Variants in EBF1 observed in about 807,000 individuals in gnomAD.
EBF1 encodes transcription factor COE1.
A neutral mutation model predicts 68.4 loss-of-function variants in EBF1; 10 were observed. That is an observed-to-expected ratio of 0.15 (90% CI 0.09 to 0.25). The LOEUF (loss-of-function observed/expected upper bound fraction) is 0.25. Ranked by LOEUF, EBF1 falls within the 10% of genes least tolerant of loss-of-function variation. EBF1 has a pLI of 1.00. For synonymous variants in EBF1, 298 were observed against 299.8 expected (o/e 0.99, Z 0.06); for missense variants, 509 against 794.4 (o/e 0.64, Z 4.32).
intron 7 of EBF1, among the ~76,000 whole-genome samples, chr5:158,832,420 G>A (rs1345363132): frequency 6.6e-6 from 1 of 152,182 alleles, no homozygotes; most frequent in Non-Finnish European, 1.5e-5. Flanking sequence ...ACTTAATCCT[G>A]TATTCTGAAA....
At chr5:158,847,587 T>C (rs1791779461) in intron 6 of EBF1, among the ~76,000 whole-genome samples, 1 of 152,206 alleles carries the variant, frequency 6.6e-6, no homozygotes, top group Non-Finnish European at 1.5e-5. Flanking sequence ...AAGATGTTTA[T>C]CCTCACGGAT....
intron 9 of EBF1, 67 bp from the exon 10 acceptor site, chr5:158,777,606 G>C (rs1775555130): frequency 1.3e-6 from 2 of 1,483,740 alleles, no homozygotes; most frequent in South Asian, 1.4e-5. Flanking sequence ...CTTCCTAATA[G>C]CTCTCCATAA....
At chr5:159,070,536 C>A (rs192526364) in intron 6 of EBF1, among the ~76,000 whole-genome samples, 1 of 152,150 alleles carries the variant, frequency 6.6e-6, no homozygotes, top group Non-Finnish European at 1.5e-5. Context: ...TTGCCCTGCA[C>A]GATTGCACTA....
At chr5:158,722,742 C>G (rs942181360) in intron 11 of EBF1, among the ~76,000 whole-genome samples, 1 of 152,092 alleles carries the variant, frequency 6.6e-6, no homozygotes, top group African/African-American at 2.4e-5. Flanking sequence ...AATTAAAATC[C>G]ACTGCTTCAA....
intron 7 of EBF1, among the ~76,000 whole-genome samples, chr5:158,827,512 C>A (rs1786445703): frequency 6.6e-6 from 1 of 152,162 alleles, no homozygotes; most frequent in Non-Finnish European, 1.5e-5. Context: ...CTCATCAGTT[C>A]AGTCTAGTTT....
intron 6 of EBF1, among the ~76,000 whole-genome samples, chr5:159,064,699 AG>A (rs1776452596): frequency 6.6e-6 from 1 of 152,162 alleles, no homozygotes. Flanking sequence ...AGAACAACTC[AG>A]TGTTTAAAAC....
intron 6 of EBF1, among the ~76,000 whole-genome samples, chr5:158,989,986 G>A (rs1400898585): frequency 6.6e-6 from 1 of 152,134 alleles, no homozygotes; most frequent in East Asian, 1.9e-4. Flanking sequence ...AATGATGAGT[G>A]TTATGAGACA....
intron 6 of EBF1, among the ~76,000 whole-genome samples, chr5:159,064,899 C>CTTTTTTTTTTTTTTTTT (rs57256923): frequency 1.0e-4 from 7 of 67,910 alleles, no homozygotes; most frequent in African/African-American, 1.8e-4. Flanking sequence ...CTCTTTTCAT[C>CTTTTTTTTTTTTTTTTT]TTTTTTTTTT....
chr5:158,820,473 C>T (rs1244495985), intron 8 of EBF1, among the ~76,000 whole-genome samples: 1 of 152,090 alleles, frequency 6.6e-6, no homozygotes, highest in Non-Finnish European at 1.5e-5. Flanking sequence ...TATGTGTCAG[C>T]CTGAAGTGTC....
At chr5:158,750,531 A>C (rs1768590172) in intron 10 of EBF1, among the ~76,000 whole-genome samples, 1 of 152,136 alleles carries the variant, frequency 6.6e-6, no homozygotes, top group South Asian at 2.1e-4. Context: ...AGACTGATAG[A>C]TTAAATACTT....
intron 6 of EBF1, among the ~76,000 whole-genome samples, chr5:158,978,171 C>T (rs912025164): frequency 6.6e-6 from 1 of 152,212 alleles, no homozygotes; most frequent in Non-Finnish European, 1.5e-5. Flanking sequence ...TTTCTTTCAG[C>T]GGCCCTTCAC....
chr5:159,059,854 A>T (rs1775474130), intron 6 of EBF1, among the ~76,000 whole-genome samples: 1 of 152,194 alleles, frequency 6.6e-6, no homozygotes, highest in Non-Finnish European at 1.5e-5. Flanking sequence ...CCTAAATGAG[A>T]TAAATGAATA....
chr5:158,976,117 T>A (rs1366953438), intron 6 of EBF1, among the ~76,000 whole-genome samples: 1 of 152,224 alleles, frequency 6.6e-6, no homozygotes, highest in African/African-American at 2.4e-5. Flanking sequence ...TGGTCCTTTT[T>A]ATGTAACACA....
intron 6 of EBF1, among the ~76,000 whole-genome samples, chr5:158,998,291 G>A (rs1761845641): frequency 6.6e-6 from 1 of 152,104 alleles, no homozygotes; most frequent in African/African-American, 2.4e-5. Flanking sequence ...TTTCTGCTCA[G>A]ATGCAACCTC....
At chr5:158,993,458 A>C (rs1760787957) in intron 6 of EBF1, among the ~76,000 whole-genome samples, 1 of 152,180 alleles carries the variant, frequency 6.6e-6, no homozygotes, top group Admixed American at 6.5e-5. Flanking sequence ...AAGTTTCTTA[A>C]AATCCTAGTG....
intron 10 of EBF1, among the ~76,000 whole-genome samples, chr5:158,738,214 G>C (rs931135473): frequency 6.6e-6 from 1 of 152,126 alleles, no homozygotes; most frequent in Admixed American, 6.6e-5. Flanking sequence ...GTATTATACA[G>C]ATAGACATAA....
chr5:158,958,776 C>A (rs1817626462), intron 6 of EBF1, among the ~76,000 whole-genome samples: 1 of 152,098 alleles, frequency 6.6e-6, no homozygotes, highest in African/African-American at 2.4e-5. Context: ...CTTACACAAC[C>A]AGAAACGCCG....
intron 6 of EBF1, chr5:158,987,312 AC>A (rs1759290420): frequency 6.6e-6 from 1 of 152,100 alleles, no homozygotes; most frequent in Non-Finnish European, 1.5e-5. Flanking sequence ...AGTATAATAA[AC>A]CCCAGATAAG....
intron 6 of EBF1, among the ~76,000 whole-genome samples, chr5:158,890,137 C>A (rs899587176): frequency 5.9e-5 from 9 of 151,948 alleles, no homozygotes. Flanking sequence ...TGTGAGAATG[C>A]GTAAAATGAA....
Sources: gnomAD v4.1 joint callset for allele counts (sites outside exome capture counted in the v4.1 genomes callset) on GRCh38, gnomAD v4.1.1 for gene constraint, MANE v1.5 for transcripts, NCBI Gene and HGNC (gene_info 2026-07-23, HGNC 2026-07-21) for gene names.